The following UBE2Q1 variants were observed in gnomAD, a reference collection of about 807,000 sequenced individuals.
UBE2Q1 encodes the protein ubiquitin conjugating enzyme E2 Q1.
In UBE2Q1, 6 loss-of-function variants were observed where a neutral mutation model predicts 60.1. The ratio of observed to expected loss-of-function variants is 0.10; its 90% CI spans 0.05 to 0.20. UBE2Q1 has a LOEUF of 0.20. Among genes scored for constraint, UBE2Q1 ranks in the 10% least tolerant of loss-of-function variants. The pLI is 1.00. For synonymous variants in UBE2Q1, 226 were observed against 208.3 expected, an observed-to-expected ratio of 1.09 and a Z score of -0.73; for missense variants, 262 against 525.8, an observed-to-expected ratio of 0.50 and a Z score of 4.91.
At chr1:154,557,862 G>C (rs186400015) in intron 1 of UBE2Q1, among the ~76,000 whole-genome samples, 211 of 152,190 alleles carry the variant, frequency 1.4e-3, no homozygotes, top group Middle Eastern at 6.8e-3. Flanking sequence ...GGTCAGTGCC[G>C]AGGCCTAAAA....
chr1:154,550,981 T>G lies in UBE2Q1; in HGVS notation c.1194A>C (p.Ala398=). 6.2e-7 allele frequency: 1 copy of G among 1,614,138 alleles called. No individual in the cohort carries two copies. Among genetic ancestry groups the G allele is most frequent in the Non-Finnish European group, 8.5e-7 (1 of 1,180,018 alleles). ...ANKSQYSLTR[A]QQSYKSLVQI... is the part of the protein sequence containing the mutation. ...GCACCAAGGACTTGTAGGACTGCTG[T>G]GCTCTTGTCAGACTGTATTGAGACT... is the stretch of plus-strand genomic sequence containing the variant. Residue 398 remains alanine (A), a synonymous_variant, in exon 12 of 13, where the codon GCA becomes GCC. Transcript: ENST00000292211.
intron 1 of UBE2Q1, among the ~76,000 whole-genome samples, chr1:154,557,090 G>A (rs942717444): frequency 1.3e-5 from 2 of 152,208 alleles, no homozygotes; most frequent in African/African-American, 4.8e-5. Flanking sequence ...TATGAGTTTT[G>A]GTGGGGCACC....
At position 154,555,868 on chromosome 1, in the gene UBE2Q1, T is replaced by G; in HGVS notation, c.424A>C (p.Asn142His). Residue 142 changes from asparagine to histidine, a missense_variant, in exon 2 of 13, where the codon AAT becomes CAT. Coordinates refer to ENST00000292211, the MANE Select transcript of UBE2Q1 (RefSeq NM_017582.7). ...LERLVDIKKG[N>H]TLLLQHLKRI... ...CCCTGTGGCCCCCTCACCAGAGTAT[T>G]CCCTTTCTTTATGTCCACCAGCCTC... The G allele has an allele frequency of 6.2e-7, 1 of 1,614,056 alleles. No homozygotes were observed. Among genetic ancestry groups the G allele is most frequent in the Non-Finnish European group, 8.5e-7 (1 of 1,179,970 alleles).
At chr1:154,552,347 G>C in intron 7 of UBE2Q1, 57 bp downstream of exon 7, 1 of 1,607,678 alleles carries the variant, frequency 6.2e-7, no homozygotes, top group Non-Finnish European at 8.5e-7. Context: ...TCCCACCACA[G>C]TAGCCCCACT....
In UBE2Q1 at chr1:154,558,435, C is replaced by A; in HGVS notation, c.119G>T (p.Cys40Phe). The change falls in exon 1 of 13, where the codon TGC becomes TTC. Residue 40 changes from cysteine (C) to phenylalanine (F), a missense_variant. Transcript: ENST00000292211. The part of the protein sequence containing the change: ...GPGGGPGPGP[C>F]LRRELKLLES... ...GAGCAGCTTCAGCTCTCGCCTCAGG[C>A]AGGGCCCCGGCCCCGGGCCCCCCCC... 6.7e-7 allele frequency: 1 copy of A among 1,491,708 alleles called. No homozygotes were observed. The highest frequency in any genetic ancestry group is 8.9e-7 in the Non-Finnish European group (1 of 1,124,918). The allele number at this position is 1,491,708 out of a possible 1,614,324, so 92.4% of individuals were successfully genotyped here. A position where few individuals can be genotyped will look rare whatever the true frequency, so the allele number is the denominator to read the frequency against.
At chr1:154,554,358 A>G (rs1695846817) in intron 4 of UBE2Q1, among the ~76,000 whole-genome samples, 1 of 152,242 alleles carries the variant, frequency 6.6e-6, no homozygotes, top group African/African-American at 2.4e-5. Context: ...ATAACACCTC[A>G]TTTAATCTCA....
chr1:154,551,750 A>T (rs1695794011), intron 10 of UBE2Q1, 21 bp downstream of exon 10: 2 of 1,614,006 alleles, frequency 1.2e-6, no homozygotes, highest in Non-Finnish European at 1.7e-6. Context: ...CGGCCTGGCC[A>T]AGGAGGAGAG....
chr1:154,551,693 G>A, intron 10 of UBE2Q1, 78 bp downstream of exon 10: 1 of 1,583,910 alleles, frequency 6.3e-7, no homozygotes, highest in Non-Finnish European at 8.7e-7. Flanking sequence ...CTATCACCCA[G>A]CCCGTAGGGG....
chr1:154,549,435 T>C lies in UBE2Q1; in HGVS notation c.*1003A>G, dbSNP rs1271500519. ...GTCTGTTCTTTTTGATAAAGCCAAA[T>C]GAAGCAAGAGAGAGGGAGGTGAGCA... On this transcript the variant is annotated 3_prime_UTR_variant, in exon 13 of 13. Coordinates refer to ENST00000292211, the MANE Select transcript of UBE2Q1 (RefSeq NM_017582.7). The C allele has an allele frequency of 1.3e-5, 2 of 152,324 alleles. No individual in the cohort carries two copies. The highest frequency in any genetic ancestry group is 1.3e-4 in the Admixed American group (2 of 15,282). 9.4% of individuals were successfully genotyped at this position (152,324 alleles called of 1,614,324 possible).
chr1:154,552,347 G>A, intron 7 of UBE2Q1, 57 bp downstream of exon 7: 1 of 1,607,678 alleles, frequency 6.2e-7, no homozygotes, highest in South Asian at 1.1e-5. Flanking sequence ...TCCCACCACA[G>A]TAGCCCCACT....
At chr1:154,552,010 G>T (rs760951743) in intron 8 of UBE2Q1, 31 bp from the exon 9 acceptor site, 1 of 1,614,022 alleles carries the variant, frequency 6.2e-7, no homozygotes, top group South Asian at 1.1e-5. Flanking sequence ...AATCAGGGGA[G>T]GGAGGCCAGC....
At chr1:154,551,538 C>T in intron 10 of UBE2Q1, 46 bp from the exon 11 acceptor site, 1 of 1,594,930 alleles carries the variant, frequency 6.3e-7, no homozygotes, top group Non-Finnish European at 8.6e-7. Flanking sequence ...ATGGAGCTTC[C>T]AGAGAACCCT....
At chr1:154,553,436 G>A (rs1213584033) in intron 4 of UBE2Q1, among the ~76,000 whole-genome samples, 7 of 152,330 alleles carry the variant, frequency 4.6e-5, no homozygotes, top group East Asian at 1.9e-4. Context: ...TCGAGGCAGG[G>A]ACTTAGCCCT....
chr1:154,553,647 C>T (rs138556849), intron 4 of UBE2Q1: 378 of 157,920 alleles, frequency 2.4e-3, no homozygotes, highest in Non-Finnish European at 3.5e-3. Flanking sequence ...CTCCTCTCCT[C>T]GCTACAAATG....
At position 154,549,199 on chromosome 1, in the gene UBE2Q1, A is replaced by G. The variant is rs952695367; in HGVS notation, c.*1239T>C. On this transcript the variant is annotated 3_prime_UTR_variant, in exon 13 of 13. Coordinates refer to ENST00000292211, the MANE Select transcript of UBE2Q1 (RefSeq NM_017582.7). ...AAAGTCATGCCCAAACTTTTACAAC[A>G]GCAAGTACATACAACACAGCACTGA... The G allele has an allele frequency of 2.0e-5, 3 of 152,328 alleles. No individual in the cohort carries two copies. Among genetic ancestry groups the G allele is most frequent in the African/African-American group, 7.2e-5 (3 of 41,464 alleles). The allele number at this position is 152,328 out of a possible 1,614,324, so 9.4% of individuals were successfully genotyped here.
intron 1 of UBE2Q1, among the ~76,000 whole-genome samples, chr1:154,557,807 T>C (rs1288909946): frequency 1.3e-5 from 2 of 152,088 alleles, no homozygotes; most frequent in Non-Finnish European, 2.9e-5. Flanking sequence ...GAAGGGGGCA[T>C]CGCTGAAATG....
Position 154,554,870 on chromosome 1 carries a change from G to C in UBE2Q1, c.538-85C>G. 2.7e-6 allele frequency: 4 copies of C among 1,457,762 alleles called. No homozygotes were observed. In the South Asian group the frequency reaches 5.0e-5, roughly 18 times the overall value. The allele number at this position is 1,457,762 out of a possible 1,614,324, so 90.3% of individuals were successfully genotyped here. ...TCCAACCTACTCCCCTGAGCCCCCA[G>C]GTCTGGAAGTTGTGCGCCTGCCTGT... On this transcript the variant is annotated intron_variant, in intron 3 of 12. Coordinates refer to ENST00000292211, the MANE Select transcript of UBE2Q1 (RefSeq NM_017582.7).
intron 3 of UBE2Q1, 99 bp from the exon 4 acceptor site, chr1:154,554,884 G>A (rs953132111): frequency 1.3e-5 from 16 of 1,260,770 alleles, no homozygotes; most frequent in Non-Finnish European, 1.7e-5. Flanking sequence ...TGGAAGTTGT[G>A]CGCCTGCCTG....
chr1:154,558,626 G>A lies in UBE2Q1; in HGVS notation c.-73C>T, dbSNP rs1402603478. On this transcript the variant is annotated 5_prime_UTR_variant, in exon 1 of 13. Coordinates refer to ENST00000292211, the MANE Select transcript of UBE2Q1 (RefSeq NM_017582.7). ...CTGCGCTCCGGGCTCCGCCGCCGCC[G>A]CCGCCGCCGCCGCCGCCGCCGCGGT... 1 of 983,978 alleles carries A rather than the reference G, an allele frequency of 1.0e-6. No homozygotes were observed. The highest frequency in any genetic ancestry group is 2.1e-5 in the African/African-American group (1 of 48,126). The allele number at this position is 983,978 out of a possible 1,614,324, so 61.0% of individuals were successfully genotyped here.
Sources: gnomAD v4.1 joint callset for allele counts (sites outside exome capture counted in the v4.1 genomes callset) on GRCh38, gnomAD v4.1.1 for gene constraint, MANE v1.5 for transcripts, NCBI Gene and HGNC (gene_info 2026-07-23, HGNC 2026-07-21) for gene names.